PDE6D: variants seen among roughly 807,000 people sequenced by gnomAD.
PDE6D encodes phosphodiesterase 6D, also known as retinal rod rhodopsin-sensitive cGMP 3',5'-cyclic phosphodiesterase subunit delta.
Under a neutral mutation model 21.9 loss-of-function variants are expected in PDE6D, and 10 were observed. The observed-to-expected ratio is 0.46, with a 90% CI of 0.28 to 0.78. PDE6D has a LOEUF of 0.78. Ranked by LOEUF, PDE6D falls within the 30% of genes least tolerant of loss-of-function variation. The pLI is 0.12. For synonymous variants in PDE6D, 59 were observed against 63.5 expected (o/e 0.93, Z 0.34); for missense variants, 139 against 184.8 (o/e 0.75, Z 1.44).
At chr2:231,773,740 C>T (rs527805923) in intron 1 of PDE6D, among the ~76,000 whole-genome samples, 174 of 152,044 alleles carry the variant, frequency 1.1e-3, no homozygotes, top group Middle Eastern at 3.4e-3. Flanking sequence ...TGCTAACCTG[C>T]CATAAATTAG....
chr2:231,744,434 CTTT>C (rs71396691), intron 1 of PDE6D, among the ~76,000 whole-genome samples: 12 of 136,196 alleles, frequency 8.8e-5, no homozygotes, highest in Non-Finnish European at 8.0e-5. Context: ...AATTGCTTTT[CTTT>C]TTTTTTTTTT....
chr2:231,739,077 GTAGA>G lies in PDE6D; in HGVS notation c.139+19_139+22del. On this transcript the variant is annotated intron_variant, in intron 2 of 4. Transcript: ENST00000287600. This position sits in a 1 kb window ranked among gnomAD's most constrained non-coding sequence, Gnocchi z 4.2. ...AGTCTGGCATTGGTCACAGCCCTGT[GTAGA>G]TAAAGGGTTGGAAAGTACCTTCATG... 1.3e-6 allele frequency: 2 copies of G among 1,505,826 alleles called. No homozygotes were observed. Among genetic ancestry groups the G allele is most frequent in the African/African-American group, 2.7e-5 (2 of 72,872 alleles). 93.3% of individuals were successfully genotyped at this position (1,505,826 alleles called of 1,614,324 possible). A position where few individuals can be genotyped will look rare whatever the true frequency, so the allele number is the denominator to read the frequency against.
chr2:231,745,315 A>G (rs776355223), intron 1 of PDE6D, among the ~76,000 whole-genome samples: 1 of 152,202 alleles, frequency 6.6e-6, no homozygotes, highest in African/African-American at 2.4e-5. Context: ...GGCTAAAAAC[A>G]TATTTGTTTT....
chr2:231,748,046 G>A (rs1024664252), intron 1 of PDE6D, among the ~76,000 whole-genome samples: 3 of 152,120 alleles, frequency 2.0e-5, no homozygotes, highest in Admixed American at 2.0e-4. Context: ...TTTATTAGCA[G>A]CATGAAAACA....
At chr2:231,749,316 G>A (rs751170903) in intron 1 of PDE6D, among the ~76,000 whole-genome samples, 23 of 152,092 alleles carry the variant, frequency 1.5e-4, no homozygotes, top group Non-Finnish European at 2.5e-4. Flanking sequence ...TGACTGCTCC[G>A]CTGGATTTTG....
chr2:231,750,683 T>C (rs1237016208), intron 1 of PDE6D, among the ~76,000 whole-genome samples: 1 of 144,998 alleles, frequency 6.9e-6, no homozygotes, highest in African/African-American at 2.5e-5. Flanking sequence ...TTTTTTTTTT[T>C]TTTTAGTATA....
intron 1 of PDE6D, among the ~76,000 whole-genome samples, chr2:231,763,796 T>A (rs927747541): frequency 6.6e-6 from 1 of 151,746 alleles, no homozygotes; most frequent in Non-Finnish European, 1.5e-5. Context: ...CCACCATGCC[T>A]GGATAATTTT....
chr2:231,770,900 T>G (rs1474873424), intron 1 of PDE6D, among the ~76,000 whole-genome samples: 1 of 150,336 alleles, frequency 6.7e-6, no homozygotes, highest in Non-Finnish European at 1.5e-5. Context: ...TTGCAGTGAG[T>G]TGAGATCGCG....
intron 1 of PDE6D, among the ~76,000 whole-genome samples, chr2:231,751,520 T>C (rs2106271292): frequency 6.6e-6 from 1 of 152,344 alleles, no homozygotes; most frequent in Non-Finnish European, 1.5e-5. Flanking sequence ...GTTTACTCTA[T>C]TATTAACATC....
chr2:231,742,054 G>T (rs2048753744), intron 1 of PDE6D, among the ~76,000 whole-genome samples: 1 of 152,054 alleles, frequency 6.6e-6, no homozygotes, highest in Non-Finnish European at 1.5e-5. Context: ...ATTGAAAATA[G>T]TTTTCTCTGG....
chr2:231,762,642 G>A (rs2106279976), intron 1 of PDE6D, among the ~76,000 whole-genome samples: 1 of 152,232 alleles, frequency 6.6e-6, no homozygotes, highest in Middle Eastern at 3.4e-3. Flanking sequence ...ACCGTGCCTG[G>A]CCTAACAATT....
intron 1 of PDE6D, among the ~76,000 whole-genome samples, chr2:231,749,257 T>A (rs1020372012): frequency 3.9e-5 from 6 of 152,144 alleles, no homozygotes; most frequent in Non-Finnish European, 8.8e-5. Flanking sequence ...CACCGTGACC[T>A]GTTTGTGAGA....
At chr2:231,737,925 C>T in intron 3 of PDE6D, 88 bp downstream of exon 3, 1 of 1,248,814 alleles carries the variant, frequency 8.0e-7, no homozygotes, top group Non-Finnish European at 1.1e-6. Context: ...GGAATGTTAT[C>T]AAAGCACTGC....
At chr2:231,755,927 A>AAT (rs1474486926) in intron 1 of PDE6D, among the ~76,000 whole-genome samples, 4 of 151,944 alleles carry the variant, frequency 2.6e-5, no homozygotes, top group Non-Finnish European at 4.4e-5. Context: ...TCTCAAAAAA[A>AAT]AAAAATTATA....
At chr2:231,770,585 AG>A (rs2049006833) in intron 1 of PDE6D, among the ~76,000 whole-genome samples, 2 of 152,162 alleles carry the variant, frequency 1.3e-5, no homozygotes, top group Admixed American at 1.3e-4. Context: ...GGGGAGGCCA[AG>A]GCAGTCAGAT....
chr2:231,764,970 G>A (rs979981579), intron 1 of PDE6D, among the ~76,000 whole-genome samples: 2 of 152,094 alleles, frequency 1.3e-5, no homozygotes, highest in Non-Finnish European at 2.9e-5. Flanking sequence ...CTGTAAAAAG[G>A]GCAATTCAGG....
chr2:231,765,673 T>G (rs1430602914), intron 1 of PDE6D, among the ~76,000 whole-genome samples: 1 of 152,152 alleles, frequency 6.6e-6, no homozygotes, highest in Non-Finnish European at 1.5e-5. Flanking sequence ...TTCTCATTAC[T>G]TTGGGGTGGA....
chr2:231,763,840 T>C (rs920774080), intron 1 of PDE6D, among the ~76,000 whole-genome samples: 3 of 151,754 alleles, frequency 2.0e-5, no homozygotes, highest in African/African-American at 7.3e-5. Context: ...ACAGAGTCTA[T>C]GTTGCTCAGG....
chr2:231,779,141 C>T (rs908714798), intron 1 of PDE6D: 6 of 152,222 alleles, frequency 3.9e-5, no homozygotes, highest in African/African-American at 1.2e-4. Flanking sequence ...CACGCCACTG[C>T]TCTCATGCTA....
Sources: gnomAD v4.1 joint callset for allele counts (sites outside exome capture counted in the v4.1 genomes callset) on GRCh38, gnomAD v4.1.1 for gene constraint, Gnocchi (gnomAD v3.1) non-coding constraint, MANE v1.5 for transcripts, NCBI Gene and HGNC (gene_info 2026-07-23, HGNC 2026-07-21) for gene names.